The following TNIK variants were observed in gnomAD, a reference collection of about 807,000 sequenced individuals.
TNIK encodes TRAF2 and NCK-interacting protein kinase.
TNIK carries 49 observed loss-of-function variants against 191.3 expected under a neutral mutation model. That is an observed-to-expected ratio of 0.26 (90% CI 0.20 to 0.32). TNIK has a LOEUF of 0.32. TNIK is among the 10% of genes least tolerant of loss of function. The pLI, the probability that TNIK is intolerant of heterozygous loss-of-function variation, is 1.00. For missense variants in TNIK, 1,155 were observed against 1,702.3 expected (o/e 0.68, Z 5.66); for synonymous variants, 594 against 600.9 (o/e 0.99, Z 0.17).
At chr3:171,269,351 A>G (rs796812660) in intron 2 of TNIK, among the ~76,000 whole-genome samples, 19 of 152,370 alleles carry the variant, frequency 1.2e-4, no homozygotes, top group African/African-American at 3.8e-4. Flanking sequence ...CACAATGTGC[A>G]AGATTGCAAT....
At chr3:171,459,225 G>GACACACAC (rs10656785) in intron 1 of TNIK, among the ~76,000 whole-genome samples, 91 of 150,498 alleles carry the variant, frequency 6.0e-4, no homozygotes, top group Non-Finnish European at 4.6e-4. Flanking sequence ...AACACACACA[G>GACACACAC]ACACACACAC....
chr3:171,077,821 ATATG>A (rs76043084), intron 28 of TNIK, among the ~76,000 whole-genome samples: 11,322 of 152,014 alleles, frequency 0.074, 472 homozygotes, highest in Middle Eastern at 0.13. Flanking sequence ...GTATGTGTAT[ATATG>A]TATGTACATA....
At chr3:171,330,751 C>A (rs923242586) in intron 2 of TNIK, among the ~76,000 whole-genome samples, 3 of 152,154 alleles carry the variant, frequency 2.0e-5, no homozygotes, top group African/African-American at 7.2e-5. Flanking sequence ...CCAATGAGAA[C>A]CACTACTCTG....
chr3:171,086,560 A>G (rs974273358), intron 24 of TNIK, among the ~76,000 whole-genome samples: 5 of 152,230 alleles, frequency 3.3e-5, no homozygotes, highest in Non-Finnish European at 5.9e-5. Context: ...TCCTTGGGGT[A>G]TGCAAAGCTC....
chr3:171,144,981 C>T (rs1236308615), intron 12 of TNIK, among the ~76,000 whole-genome samples: 1 of 152,108 alleles, frequency 6.6e-6, no homozygotes, highest in Non-Finnish European at 1.5e-5. Flanking sequence ...TATGTAAGTA[C>T]CACATTTTCT....
chr3:171,134,404 T>C (rs1273658085), intron 15 of TNIK, among the ~76,000 whole-genome samples: 1 of 152,144 alleles, frequency 6.6e-6, no homozygotes, highest in Non-Finnish European at 1.5e-5. Flanking sequence ...CCTCAGCCTT[T>C]GGTGTAGCTG....
rs1205528790 is a variant in TNIK, at chr3:171,255,420, A to T, written c.124-27199T>A. 3.3e-5 allele frequency among the ~76,000 whole-genome samples: 5 copies of T among 152,190 alleles called. No individual in the cohort carries two copies. The East Asian group carries it at 9.6e-4, about 29-fold the overall frequency. ...TAAGATGGTTTCAGAATCAAACTAC[A>T]AATCATTTTGAAAGTTTCCTGTTTT... On this transcript the variant is annotated intron_variant, in intron 2 of 32. Coordinates refer to ENST00000436636, the MANE Select transcript of TNIK (RefSeq NM_015028.4).
chr3:171,292,195 A>C (rs566257941), intron 2 of TNIK, among the ~76,000 whole-genome samples: 1 of 152,298 alleles, frequency 6.6e-6, no homozygotes, highest in African/African-American at 2.4e-5. Context: ...TAATAATTTC[A>C]ATATCTGGAT....
chr3:171,077,224 C>G (rs1292607404), intron 28 of TNIK, among the ~76,000 whole-genome samples: 2 of 151,966 alleles, frequency 1.3e-5, no homozygotes, highest in African/African-American at 4.8e-5. Flanking sequence ...TTCCTGGAAC[C>G]CTGCATTGTC....
intron 2 of TNIK, among the ~76,000 whole-genome samples, chr3:171,255,771 G>T (rs1746776033): frequency 6.6e-6 from 1 of 152,288 alleles, no homozygotes; most frequent in South Asian, 2.1e-4. Context: ...GAGACCCCAG[G>T]TGTGGCTGCT....
intron 1 of TNIK, among the ~76,000 whole-genome samples, chr3:171,406,302 T>C (rs954548755): frequency 6.6e-6 from 1 of 152,114 alleles, no homozygotes; most frequent in Non-Finnish European, 1.5e-5. Context: ...CCATGGCACA[T>C]TGCAGGAGCT....
chr3:171,323,744 A>T (rs1755435254), intron 2 of TNIK, among the ~76,000 whole-genome samples: 1 of 152,180 alleles, frequency 6.6e-6, no homozygotes. Context: ...CTGCACAGGA[A>T]TCCAAGTGAG....
chr3:171,181,836 A>G (rs1000097876), intron 7 of TNIK, among the ~76,000 whole-genome samples: 1 of 152,220 alleles, frequency 6.6e-6, no homozygotes, highest in Non-Finnish European at 1.5e-5. Context: ...TAAGAAACGT[A>G]AGTACAGACA....
intron 1 of TNIK, among the ~76,000 whole-genome samples, chr3:171,453,858 G>T (rs1316664976): frequency 6.6e-6 from 1 of 152,126 alleles, no homozygotes; most frequent in Non-Finnish European, 1.5e-5. Context: ...ACCAGGACAT[G>T]TAAAAAAGAG....
intron 26 of TNIK, chr3:171,082,725 T>G: frequency 4.7e-6 from 1 of 213,514 alleles, no homozygotes; most frequent in Non-Finnish European, 9.3e-6. Context: ...GAAAAACCAC[T>G]TCTTTCTTGG....
chr3:171,436,544 C>T (rs185483064), intron 1 of TNIK, among the ~76,000 whole-genome samples: 2 of 151,988 alleles, frequency 1.3e-5, no homozygotes, highest in East Asian at 2.0e-4. Flanking sequence ...AGCTAGTAAG[C>T]TATAGCACCA....
At chr3:171,125,513 T>C (rs541819688) in intron 17 of TNIK, among the ~76,000 whole-genome samples, 1 of 152,362 alleles carries the variant, frequency 6.6e-6, no homozygotes, top group East Asian at 1.9e-4. Context: ...TTTTGTGTTG[T>C]TAAAAATAGG....
Position 171,248,065 on chromosome 3 carries a change from G to A in TNIK, c.124-19844C>T, listed in dbSNP as rs373048226. 9.2e-5 allele frequency among the ~76,000 whole-genome samples: 14 copies of A among 152,264 alleles called. No individual in the cohort carries two copies. The East Asian group carries it at 1.4e-3, about 15-fold the overall frequency. On this transcript the variant is annotated intron_variant, in intron 2 of 32. Coordinates refer to ENST00000436636, the MANE Select transcript of TNIK (RefSeq NM_015028.4). ...GCAGGAGGAGTCCTCTCACACAGAG[G>A]GAAAAGCTTTACATTGAGTTAGGAT...
intron 2 of TNIK, among the ~76,000 whole-genome samples, chr3:171,326,669 T>C (rs761355565): frequency 5.9e-5 from 9 of 152,188 alleles, no homozygotes; most frequent in Non-Finnish European, 1.2e-4. Flanking sequence ...AGGTCTGGGA[T>C]ACAGCCTAAC....
Sources: gnomAD v4.1 joint callset for allele counts (sites outside exome capture counted in the v4.1 genomes callset) on GRCh38, gnomAD v4.1.1 for gene constraint, MANE v1.5 for transcripts, NCBI Gene and HGNC (gene_info 2026-07-23, HGNC 2026-07-21) for gene names.